Variants in SORCS3 observed in about 807,000 individuals in gnomAD.
SORCS3 encodes the protein sortilin related VPS10 domain containing receptor 3.
In SORCS3, 57 loss-of-function variants were observed where a neutral mutation model predicts 146.3. The observed-to-expected ratio is 0.39, with a 90% CI of 0.31 to 0.49. The LOEUF (loss-of-function observed/expected upper bound fraction) is 0.49, where lower values mean the gene tolerates loss of function less well. Among genes scored for constraint, SORCS3 ranks in the 20% least tolerant of loss-of-function variants. The pLI, the probability that SORCS3 is intolerant of heterozygous loss-of-function variation, is 0.92. For missense variants in SORCS3, 1,341 were observed against 1,575.5 expected (o/e 0.85, Z 2.52); for synonymous variants, 653 against 618.5 (o/e 1.06, Z -0.83).
At chr10:105,073,939 C>A (rs1393096891) in intron 5 of SORCS3, among the ~76,000 whole-genome samples, 10 of 152,118 alleles carry the variant, frequency 6.6e-5, no homozygotes, top group African/African-American at 2.2e-4. Context: ...AAAGGGAAGT[C>A]TCCTGAGGTT....
chr10:105,090,211 C>T (rs773031560), intron 6 of SORCS3, among the ~76,000 whole-genome samples: 1 of 152,134 alleles, frequency 6.6e-6, no homozygotes, highest in African/African-American at 2.4e-5. Flanking sequence ...TTTATATAGG[C>T]AACCTTACCA....
chr10:104,933,748 G>A (rs2019233055), intron 3 of SORCS3, among the ~76,000 whole-genome samples: 1 of 152,164 alleles, frequency 6.6e-6, no homozygotes, highest in South Asian at 2.1e-4. Context: ...GTCTCCCACT[G>A]ATGTGTGTCC....
intron 1 of SORCS3, among the ~76,000 whole-genome samples, chr10:104,839,535 A>G (rs1312726517): frequency 1.3e-5 from 2 of 152,198 alleles, no homozygotes; most frequent in Non-Finnish European, 2.9e-5. Flanking sequence ...TTTGCAAGCT[A>G]GAAAAAATGG....
At chr10:104,791,823 C>T (rs1276628567) in intron 1 of SORCS3, among the ~76,000 whole-genome samples, 1 of 152,138 alleles carries the variant, frequency 6.6e-6, no homozygotes, top group Non-Finnish European at 1.5e-5. Context: ...CTCAGTGCTT[C>T]TCCATTCATA....
intron 2 of SORCS3, among the ~76,000 whole-genome samples, chr10:104,894,816 C>A (rs2018783109): frequency 6.6e-6 from 1 of 151,928 alleles, no homozygotes. Flanking sequence ...GAGGTAGGTG[C>A]AGGAGAATGA....
At chr10:105,207,272 T>TTTTTTATTATTATTATTATTATTA (rs148959945) in intron 16 of SORCS3, among the ~76,000 whole-genome samples, 5 of 147,148 alleles carry the variant, frequency 3.4e-5, no homozygotes, top group Non-Finnish European at 7.5e-5. Context: ...CATGCAGAGG[T>TTTTTTATTATTATTATTATTATTA]TTATTATTAT....
chr10:105,116,322 G>A (rs191204218), intron 7 of SORCS3, among the ~76,000 whole-genome samples: 1 of 152,134 alleles, frequency 6.6e-6, no homozygotes, highest in Non-Finnish European at 1.5e-5. Context: ...TCCCAAGTAG[G>A]ATGCTTGCAA....
chr10:104,931,811 G>C (rs1189921236), intron 3 of SORCS3, among the ~76,000 whole-genome samples: 4 of 152,196 alleles, frequency 2.6e-5, no homozygotes, highest in Admixed American at 2.6e-4. Context: ...GATTAAAGCA[G>C]TTAGGCCAGG....
chr10:104,785,557 G>A (rs1245556325), intron 1 of SORCS3, among the ~76,000 whole-genome samples: 1 of 111,666 alleles, frequency 9.0e-6, no homozygotes, highest in African/African-American at 3.7e-5. Context: ...CCCTCTGTGA[G>A]AAACACCCAA....
intron 14 of SORCS3, among the ~76,000 whole-genome samples, chr10:105,199,402 T>A (rs1239404494): frequency 6.6e-6 from 1 of 152,128 alleles, no homozygotes; most frequent in Non-Finnish European, 1.5e-5. Context: ...TTTTTCTTTT[T>A]AAGGAAGGAG....
intron 1 of SORCS3, among the ~76,000 whole-genome samples, chr10:104,692,633 A>G (rs1247017604): frequency 6.6e-6 from 1 of 152,206 alleles, no homozygotes; most frequent in African/African-American, 2.4e-5. Context: ...TCCAAGGATC[A>G]CCAAACTTCA....
chr10:105,095,544 C>T (rs1589630396), intron 6 of SORCS3, among the ~76,000 whole-genome samples: 1 of 152,074 alleles, frequency 6.6e-6, no homozygotes, highest in East Asian at 1.9e-4. Flanking sequence ...ATAGGTGGGC[C>T]TGGGGAGGGT....
intron 4 of SORCS3, among the ~76,000 whole-genome samples, chr10:105,034,948 C>G (rs2055296061): frequency 6.6e-6 from 1 of 152,204 alleles, no homozygotes. Context: ...AGGAATGACC[C>G]TAGTCCCCTC....
intron 4 of SORCS3, among the ~76,000 whole-genome samples, chr10:104,986,717 A>G (rs2054964171): frequency 6.6e-6 from 1 of 152,208 alleles, no homozygotes; most frequent in Non-Finnish European, 1.5e-5. Flanking sequence ...GGGTGCCTGA[A>G]GACAGGGAGA....
intron 1 of SORCS3, among the ~76,000 whole-genome samples, chr10:104,693,520 C>T (rs920366906): frequency 2.6e-5 from 4 of 152,186 alleles, no homozygotes; most frequent in Non-Finnish European, 4.4e-5. Flanking sequence ...TTTCCTGCTG[C>T]ATTTTGGCTC....
At chr10:104,927,947 A>T (rs1015604759) in intron 3 of SORCS3, among the ~76,000 whole-genome samples, 1 of 152,094 alleles carries the variant, frequency 6.6e-6, no homozygotes, top group Non-Finnish European at 1.5e-5. Context: ...TTGAAGAAGG[A>T]TGTCATGCTG....
intron 1 of SORCS3, among the ~76,000 whole-genome samples, chr10:104,817,151 C>T (rs966814053): frequency 5.9e-5 from 9 of 152,260 alleles, no homozygotes; most frequent in Admixed American, 1.3e-4. Flanking sequence ...GGGGCCCACA[C>T]TACTTATGAG....
Position 105,185,784 on chromosome 10 carries a change from A to C in SORCS3, c.2009+7611A>C, listed in dbSNP as rs554931482. ...TGTCCATCTCAGACTTATTATCCTT[A>C]CTCCTTCCACAACCCCTTCTAGAAC... On this transcript the variant is annotated intron_variant, in intron 14 of 26. Coordinates refer to ENST00000369701, the MANE Select transcript of SORCS3 (RefSeq NM_014978.3). Among the ~76,000 whole-genome samples the C allele has an allele frequency of 2.6e-5, 4 of 152,140 alleles. No homozygotes were observed. In the South Asian group the frequency reaches 8.3e-4, roughly 32 times the overall value.
At chr10:104,762,798 T>C (rs746513340) in intron 1 of SORCS3, among the ~76,000 whole-genome samples, 1 of 152,210 alleles carries the variant, frequency 6.6e-6, no homozygotes, top group Non-Finnish European at 1.5e-5. Flanking sequence ...ATTGTAAGTT[T>C]CCTGAGGCTT....
Sources: allele counts gnomAD v4.1 joint callset (sites outside exome capture counted in the v4.1 genomes callset), GRCh38; gene constraint gnomAD v4.1.1; transcripts MANE v1.5; gene names NCBI Gene and HGNC (gene_info 2026-07-23, HGNC 2026-07-21).